The following UBASH3B variants were observed in gnomAD, a reference collection of about 807,000 sequenced individuals.
UBASH3B encodes the protein ubiquitin associated and SH3 domain containing B.
In UBASH3B, 37 loss-of-function variants were observed where a neutral mutation model predicts 83.4. That is an observed-to-expected ratio of 0.44 (90% CI 0.34 to 0.58). The LOEUF (loss-of-function observed/expected upper bound fraction) is 0.58. Among genes scored for constraint, UBASH3B ranks in the 20% least tolerant of loss-of-function variants. UBASH3B has a pLI of 0.01. For synonymous variants in UBASH3B, 304 were observed against 318.3 expected, an observed-to-expected ratio of 0.96 and a Z score of 0.48; for missense variants, 657 against 827.2, an observed-to-expected ratio of 0.79 and a Z score of 2.52.
intron 1 of UBASH3B, among the ~76,000 whole-genome samples, chr11:122,658,095 G>A (rs898935931): frequency 6.6e-6 from 1 of 151,360 alleles, no homozygotes; most frequent in Non-Finnish European, 1.5e-5. Flanking sequence ...AGAATCGCTT[G>A]AGCCCAGTAG....
chr11:122,671,802 G>C (rs1478894223), intron 1 of UBASH3B, among the ~76,000 whole-genome samples: 3 of 152,250 alleles, frequency 2.0e-5, no homozygotes, highest in Non-Finnish European at 4.4e-5. Context: ...TTCCGAATGG[G>C]ATGACTCCCA....
At chr11:122,763,278 CTACAGCAGAGGCCAGAG>C (rs1860476093) in intron 1 of UBASH3B, among the ~76,000 whole-genome samples, 1 of 152,170 alleles carries the variant, frequency 6.6e-6, no homozygotes, top group South Asian at 2.1e-4. Context: ...TGCTGCCTCC[CTACAGCAGAGGCCAGAG>C]TTCCAGCCCC....
intron 1 of UBASH3B, among the ~76,000 whole-genome samples, chr11:122,658,978 C>G (rs368251813): frequency 3.3e-5 from 5 of 152,318 alleles, no homozygotes. Flanking sequence ...GGAATCCACT[C>G]CCTGCCTCTC....
chr11:122,770,858 A>G (rs187527716), intron 1 of UBASH3B, among the ~76,000 whole-genome samples: 1 of 152,144 alleles, frequency 6.6e-6, no homozygotes, highest in East Asian at 1.9e-4. Flanking sequence ...CCTCAGTTCA[A>G]CCTCTCAATG....
At chr11:122,809,295 G>T (rs771317433) in intron 13 of UBASH3B, among the ~76,000 whole-genome samples, 1 of 152,084 alleles carries the variant, frequency 6.6e-6, no homozygotes, top group Non-Finnish European at 1.5e-5. Flanking sequence ...GGCTGGTCTC[G>T]AACTCTTGAC....
At chr11:122,692,621 C>T (rs1863910108) in intron 1 of UBASH3B, among the ~76,000 whole-genome samples, 1 of 152,146 alleles carries the variant, frequency 6.6e-6, no homozygotes, top group South Asian at 2.1e-4. Context: ...TGCATACTGC[C>T]GAGGGCACGC....
At chr11:122,720,789 T>TCCCTTCCCA (rs1427484236) in intron 1 of UBASH3B, among the ~76,000 whole-genome samples, 1 of 152,126 alleles carries the variant, frequency 6.6e-6, no homozygotes, top group Non-Finnish European at 1.5e-5. Flanking sequence ...AAAATAGGAA[T>TCCCTTCCCA]CCCTTCCCAC....
At chr11:122,765,613 G>A (rs1860522808) in intron 1 of UBASH3B, among the ~76,000 whole-genome samples, 2 of 152,210 alleles carry the variant, frequency 1.3e-5, no homozygotes, top group African/African-American at 4.8e-5. Flanking sequence ...CTCAGTGGAG[G>A]AAGAAGTTTA....
intron 1 of UBASH3B, among the ~76,000 whole-genome samples, chr11:122,696,341 C>CTTTTTTTTTT (rs10632310): frequency 4.8e-5 from 7 of 146,030 alleles, no homozygotes; most frequent in Admixed American, 6.8e-5. Flanking sequence ...TTTCTTTTTT[C>CTTTTTTTTTT]TTTTTGTTTT....
intron 1 of UBASH3B, among the ~76,000 whole-genome samples, chr11:122,689,089 C>T (rs1027943588): frequency 6.6e-6 from 1 of 152,080 alleles, no homozygotes; most frequent in Non-Finnish European, 1.5e-5. Flanking sequence ...TGTGAGCCAC[C>T]GCGCCTGGCC....
intron 1 of UBASH3B, among the ~76,000 whole-genome samples, chr11:122,726,662 A>G (rs183981974): frequency 1.1e-4 from 17 of 152,312 alleles, no homozygotes; most frequent in African/African-American, 4.1e-4. Flanking sequence ...TTATGCAACT[A>G]TGAGCAAATG....
In UBASH3B at chr11:122,806,531, T is replaced by G. The variant is rs1311089494; in HGVS notation, c.1702+15T>G. The G allele has an allele frequency of 6.3e-7, 1 of 1,593,410 alleles. No homozygotes were observed. Among genetic ancestry groups the G allele is most frequent in the South Asian group, 1.2e-5 (1 of 85,448 alleles). ...TAAAAGTAAAGGTAAGTGGTATTAT[T>G]CTGAACTCCATCTGTACATACGTGA... On this transcript the variant is annotated intron_variant, in intron 12 of 13. Transcript: ENST00000284273. The surrounding 1 kb of genome is among the most constrained non-coding windows in gnomAD (Gnocchi z 4.0).
intron 1 of UBASH3B, among the ~76,000 whole-genome samples, chr11:122,669,464 A>G (rs1410855462): frequency 6.6e-6 from 1 of 152,164 alleles, no homozygotes; most frequent in Admixed American, 6.5e-5. Flanking sequence ...GCTGAATCAC[A>G]TCTGTAAAGT....
chr11:122,681,676 A>C (rs536625859), intron 1 of UBASH3B, among the ~76,000 whole-genome samples: 315 of 145,998 alleles, frequency 2.2e-3, no homozygotes, highest in Non-Finnish European at 3.3e-3. Flanking sequence ...GTTCATATGC[A>C]TTCTTCTGTA....
intron 1 of UBASH3B, among the ~76,000 whole-genome samples, chr11:122,695,056 C>T (rs1040074814): frequency 6.1e-5 from 9 of 147,772 alleles, no homozygotes; most frequent in South Asian, 2.1e-4. Flanking sequence ...CTCTGCCTCC[C>T]GGGTTCAAGC....
intron 1 of UBASH3B, among the ~76,000 whole-genome samples, chr11:122,668,322 T>G (rs1222697281): frequency 6.6e-6 from 1 of 152,202 alleles, no homozygotes; most frequent in African/African-American, 2.4e-5. Context: ...GGCTCTGTTT[T>G]CTGGAAGAAT....
chr11:122,717,282 C>T (rs1860541128), intron 1 of UBASH3B, among the ~76,000 whole-genome samples: 1 of 152,228 alleles, frequency 6.6e-6, no homozygotes, highest in South Asian at 2.1e-4. Flanking sequence ...TCCTAAGAAC[C>T]ACCACTTCCT....
chr11:122,771,748 AACACACACACACACACACACACAC>A (rs58950220), intron 1 of UBASH3B, among the ~76,000 whole-genome samples: 8 of 147,136 alleles, frequency 5.4e-5, no homozygotes, highest in Non-Finnish European at 9.0e-5. Context: ...GCTGTGTTAA[AACACACACACACACACACACACAC>A]ACACACACAC....
intron 1 of UBASH3B, among the ~76,000 whole-genome samples, chr11:122,704,269 G>T (rs1435066123): frequency 6.6e-6 from 1 of 152,196 alleles, no homozygotes; most frequent in East Asian, 1.9e-4. Context: ...TGAGAAGGTG[G>T]CTGGAAGAAG....
Sources: allele counts gnomAD v4.1 joint callset (sites outside exome capture counted in the v4.1 genomes callset), GRCh38; gene constraint gnomAD v4.1.1; non-coding constraint Gnocchi (gnomAD v3.1); transcripts MANE v1.5; gene names NCBI Gene and HGNC (gene_info 2026-07-23, HGNC 2026-07-21).